Variants in SERBP1 observed in about 807,000 individuals in gnomAD.
SERBP1 encodes SERPINE1 mRNA binding protein 1, also known as SERPINE1 mRNA-binding protein 1.
In SERBP1, 6 loss-of-function variants were observed where a neutral mutation model predicts 50.2. The ratio of observed to expected loss-of-function variants is 0.12; its 90% CI spans 0.07 to 0.24. The LOEUF is 0.24. Among genes scored for constraint, SERBP1 ranks in the 10% least tolerant of loss-of-function variants. The probability of loss-of-function intolerance (pLI) is 1.00; values close to 1 mark genes in which losing one functional copy is unlikely to be tolerated. For missense variants in SERBP1, 346 were observed against 524.9 expected (o/e 0.66, Z 3.33); for synonymous variants, 168 against 182.8 (o/e 0.92, Z 0.65).
At chr1:67,413,463 A>C (rs1666903802) in intron 7 of SERBP1, among the ~76,000 whole-genome samples, 200 bp from the exon 8 acceptor site, 1 of 152,048 alleles carries the variant, frequency 6.6e-6, no homozygotes, top group African/African-American at 2.4e-5. Context: ...AGCCTGGCCA[A>C]CATGGTGAAA....
At chr1:67,418,244 G>C (rs1667088793) in intron 6 of SERBP1, among the ~76,000 whole-genome samples, 1 of 151,880 alleles carries the variant, frequency 6.6e-6, no homozygotes, top group Non-Finnish European at 1.5e-5. Flanking sequence ...CAAAAGTGCT[G>C]GGATTACAGG....
chr1:67,411,949 TGGAG>T lies in SERBP1; in HGVS notation c.*1254_*1257del, dbSNP rs1666858512. 1 of 150,886 alleles carries T rather than the reference TGGAG, an allele frequency of 6.6e-6. No homozygotes were observed. The highest frequency in any genetic ancestry group is 2.4e-5 in the African/African-American group (1 of 41,094). The allele number at this position is 150,886 out of a possible 1,614,324, so 9.3% of individuals were successfully genotyped here. A position where few individuals can be genotyped will look rare whatever the true frequency, so the allele number is the denominator to read the frequency against. On this transcript the variant is annotated 3_prime_UTR_variant, in exon 8 of 8. Transcript: ENST00000361219. ...ATCCATTATTTACCTAATTTTCTAA[TGGAG>T]GAAGAGAGAAGAGATAATTACCACT...
rs564741190 is a variant in SERBP1 at position 67,420,749 on chromosome 1, TA to T, written c.774-564del. On this transcript the variant is annotated intron_variant, in intron 5 of 7. Coordinates refer to ENST00000361219, the MANE Select transcript of SERBP1 (RefSeq NM_001018069.2). Reference sequence around the variant, plus strand: ...GTGTTTCTACAAATCCTAAAATCCTTATACTCCAATTTTCAAACCAACCTGT... The same window carrying T: ...GTGTTTCTACAAATCCTAAAATCCTTTACTCCAATTTTCAAACCAACCTGT... Among the ~76,000 whole-genome samples, 8 of 152,306 alleles carry T rather than the reference TA, an allele frequency of 5.3e-5. No individual in the cohort carries two copies. The East Asian group carries it at 1.3e-3, about 26-fold the overall frequency.
In SERBP1 at chr1:67,410,697, G is replaced by A. The variant is rs1358159246; in HGVS notation, c.*2510C>T. 30 of 152,114 alleles carry A rather than the reference G, an allele frequency of 2.0e-4. No individual in the cohort carries two copies. Among genetic ancestry groups the A allele is most frequent in the Admixed American group, 2.0e-3 (30 of 15,278 alleles). 9.4% of individuals were successfully genotyped at this position (152,114 alleles called of 1,614,324 possible). A position where few individuals can be genotyped will look rare whatever the true frequency, so the allele number is the denominator to read the frequency against. On this transcript the variant is annotated 3_prime_UTR_variant, in exon 8 of 8. Transcript: ENST00000361219. ...TACTTTAGGAATCTTTATCTGTTTA[G>A]GGATTTTTCCCCTAGACTATTATAG...
At chr1:67,426,784 G>T (rs562830384) in intron 1 of SERBP1, among the ~76,000 whole-genome samples, 1 of 151,774 alleles carries the variant, frequency 6.6e-6, no homozygotes, top group Non-Finnish European at 1.5e-5. Flanking sequence ...CAAAAGTGAG[G>T]GCCGCACTAT....
At chr1:67,421,255 C>G (rs1407951065) in intron 5 of SERBP1, among the ~76,000 whole-genome samples, 1 of 152,162 alleles carries the variant, frequency 6.6e-6, no homozygotes, top group East Asian at 1.9e-4. Context: ...AAAAAAAGTC[C>G]TGCTTACCCA....
intron 6 of SERBP1, among the ~76,000 whole-genome samples, chr1:67,416,011 C>CT (rs376512995): frequency 0.46 from 57,122 of 125,310 alleles, 15,331 homozygotes; most frequent in South Asian, 0.61. Flanking sequence ...TCACAGGAAC[C>CT]TTTTTTTTTT....
rs975910821 is a variant in SERBP1 at position 67,410,626 on chromosome 1, T to C, written c.*2581A>G. On this transcript the variant is annotated 3_prime_UTR_variant, in exon 8 of 8. Transcript: ENST00000361219. ...TCTCAGGTCTGGCATTACTTCCATT[T>C]AAACGCATCAAGATAAAAGTTCACT... 3.3e-5 allele frequency: 5 copies of C among 152,214 alleles called. No homozygotes were observed. Among genetic ancestry groups the C allele is most frequent in the African/African-American group, 1.2e-4 (5 of 41,478 alleles). 9.4% of individuals were successfully genotyped at this position (152,214 alleles called of 1,614,324 possible).
At chr1:67,417,196 A>G (rs1366876866) in intron 6 of SERBP1, 2 of 152,248 alleles carry the variant, frequency 1.3e-5, no homozygotes, top group African/African-American at 2.4e-5. Context: ...CTTGTCTCAA[A>G]ATAAAGTGTA....
At position 67,408,214 on chromosome 1, in the gene SERBP1, A is replaced by C. The variant is rs1666696032; in HGVS notation, c.*4993T>G. 6.6e-6 allele frequency: 1 copy of C among 152,168 alleles called. No individual in the cohort carries two copies. Among genetic ancestry groups the C allele is most frequent in the African/African-American group, 2.4e-5 (1 of 41,448 alleles). The allele number at this position is 152,168 out of a possible 1,614,324, so 9.4% of individuals were successfully genotyped here. A position where few individuals can be genotyped will look rare whatever the true frequency, so the allele number is the denominator to read the frequency against. ...AGTAATTGAGCACCTAGTATGAACCAATTATCTAAATAGATTTCTAAAAGT... is the reference window on the plus strand; with the variant it reads ...AGTAATTGAGCACCTAGTATGAACCCATTATCTAAATAGATTTCTAAAAGT... On this transcript the variant is annotated 3_prime_UTR_variant, in exon 8 of 8. Transcript: ENST00000361219.
At chr1:67,427,002 T>C (rs1431912801) in intron 1 of SERBP1, among the ~76,000 whole-genome samples, 1 of 152,202 alleles carries the variant, frequency 6.6e-6, no homozygotes, top group Non-Finnish European at 1.5e-5. Context: ...AAGTTTAAAA[T>C]TTTATAGCAT....
intron 2 of SERBP1, among the ~76,000 whole-genome samples, chr1:67,425,475 T>C (rs1667339077): frequency 6.6e-6 from 1 of 152,246 alleles, no homozygotes; most frequent in Non-Finnish European, 1.5e-5. Context: ...TCCACTGCTA[T>C]TCATTGCACA....
chr1:67,414,086 A>G (rs1666927836), intron 7 of SERBP1, among the ~76,000 whole-genome samples: 1 of 152,206 alleles, frequency 6.6e-6, no homozygotes, highest in Admixed American at 6.5e-5. Flanking sequence ...CAGTGCGCCC[A>G]GCCCAGTTGT....
In SERBP1 at chr1:67,409,732, T is replaced by G. The variant is rs1666767501; in HGVS notation, c.*3475A>C. The G allele has an allele frequency of 6.6e-6, 1 of 152,198 alleles. No individual in the cohort carries two copies. Among genetic ancestry groups the G allele is most frequent in the Admixed American group, 6.5e-5 (1 of 15,270 alleles). 9.4% of individuals were successfully genotyped at this position (152,198 alleles called of 1,614,324 possible). On this transcript the variant is annotated 3_prime_UTR_variant, in exon 8 of 8. Coordinates refer to ENST00000361219, the MANE Select transcript of SERBP1 (RefSeq NM_001018069.2). ...GAAGAGGTAATCCCAGGGCACAGCT[T>G]AGGCCAAATAACCCAAATTTCTGGG...
chr1:67,425,233 A>T lies in SERBP1; in HGVS notation c.465-10T>A. ...TCGGTCAATAATCGGTCTATAATAT[A>T]AACAAATAAATTATACTTCCATGGT... On this transcript the variant is annotated splice_polypyrimidine_tract_variant and intron_variant, in intron 2 of 7. Transcript: ENST00000361219. 3 of 1,578,302 alleles carry T rather than the reference A, an allele frequency of 1.9e-6. No homozygotes were observed. The highest frequency in any genetic ancestry group is 2.6e-6 in the Non-Finnish European group (3 of 1,168,358).
At position 67,425,194 on chromosome 1, in the gene SERBP1, C is replaced by T. The variant is rs748812771; in HGVS notation, c.494G>A (p.Arg165His). ...RPIIDRPIRG[R>H]GGLGRGRGGR... ...CCCTCGACCTCTTCCAAGACCACCA[C>T]GACCTCGAATAGGTCGGTCAATAAT... Residue 165 changes from arginine (R) to histidine (H), a missense_variant, in exon 3 of 8, where the codon CGT becomes CAT. Arg to His is a conservative substitution (Grantham distance 29, BLOSUM62 0). Transcript: ENST00000361219. The T allele has an allele frequency of 8.7e-6, 14 of 1,609,834 alleles. No individual in the cohort carries two copies. Among genetic ancestry groups the T allele is most frequent in the South Asian group, 4.4e-5 (4 of 90,324 alleles).
rs1198947456 is a variant in SERBP1 at position 67,412,903 on chromosome 1, T to C, written c.*304A>G. On this transcript the variant is annotated 3_prime_UTR_variant, in exon 8 of 8. Transcript: ENST00000361219. ...ACTGTTCACACCTATATTTCAAGTT[T>C]GGAAATGCATATTTGCAAGCAGCAA... is the stretch of plus-strand genomic sequence containing the variant. 2 of 373,916 alleles carry C rather than the reference T, an allele frequency of 5.3e-6. No homozygotes were observed. Among genetic ancestry groups the C allele is most frequent in the South Asian group, 3.5e-5 (1 of 28,246 alleles). 23.2% of individuals were successfully genotyped at this position (373,916 alleles called of 1,614,324 possible). A position where few individuals can be genotyped will look rare whatever the true frequency, so the allele number is the denominator to read the frequency against.
chr1:67,427,374 A>C (rs1349702217), intron 1 of SERBP1, among the ~76,000 whole-genome samples: 1 of 152,216 alleles, frequency 6.6e-6, no homozygotes, highest in Non-Finnish European at 1.5e-5. Flanking sequence ...GGTATGCTCT[A>C]ATTCCCAATT....
At chr1:67,415,437 A>G in intron 6 of SERBP1, 98 bp from the exon 7 acceptor site, 3 of 1,225,646 alleles carry the variant, frequency 2.4e-6, no homozygotes, top group Non-Finnish European at 3.4e-6. Flanking sequence ...CCAAAAATCC[A>G]AACTGTACTT....
Sources: gnomAD v4.1 joint callset for allele counts (sites outside exome capture counted in the v4.1 genomes callset) on GRCh38, gnomAD v4.1.1 for gene constraint, MANE v1.5 for transcripts, NCBI Gene and HGNC (gene_info 2026-07-23, HGNC 2026-07-21) for gene names.